DPP10: variants seen among roughly 807,000 people sequenced by gnomAD.
The protein encoded by DPP10 is inactive dipeptidyl peptidase 10.
A neutral mutation model predicts 120.9 loss-of-function variants in DPP10; 33 were observed. The observed-to-expected ratio is 0.27, with a 90% CI of 0.21 to 0.37. The LOEUF is 0.37. DPP10 is among the 10% of genes least tolerant of loss of function. The pLI is 1.00. For missense variants in DPP10, 816 were observed against 942.8 expected (o/e 0.87, Z 1.76); for synonymous variants, 337 against 326.1 (o/e 1.03, Z -0.36).
In DPP10 at chr2:114,827,000, C is replaced by T. The variant is rs1399206093; in HGVS notation, c.60+384162C>T. On this transcript the variant is annotated intron_variant, in intron 1 of 25. Transcript: ENST00000410059. Reference sequence around the variant, plus strand: ...CATTGCCCCTGGGTATCAGGAAGCACATCTGTCACATGAGGATCTGGGAGG... The same window carrying T: ...CATTGCCCCTGGGTATCAGGAAGCATATCTGTCACATGAGGATCTGGGAGG... Among the ~76,000 whole-genome samples the T allele has an allele frequency of 5.3e-5, 8 of 152,188 alleles. No individual in the cohort carries two copies. In the East Asian group the frequency reaches 9.7e-4, roughly 18 times the overall value.
chr2:115,384,512 A>G (rs12989857), intron 3 of DPP10, among the ~76,000 whole-genome samples: 4 of 147,900 alleles, frequency 2.7e-5, no homozygotes, highest in Non-Finnish European at 5.9e-5. Context: ...GAAGAAGAAG[A>G]AGGAAGAAGA....
At chr2:114,586,108 G>A (rs929270435) in intron 1 of DPP10, among the ~76,000 whole-genome samples, 1 of 152,074 alleles carries the variant, frequency 6.6e-6, no homozygotes, top group African/African-American at 2.4e-5. Flanking sequence ...TTAATTAGCT[G>A]GGTATCATGG....
At chr2:114,749,918 G>T (rs1392724875) in intron 1 of DPP10, among the ~76,000 whole-genome samples, 4 of 152,236 alleles carry the variant, frequency 2.6e-5, no homozygotes, top group East Asian at 1.9e-4. Flanking sequence ...CTACAAAGGA[G>T]TATATTTAGT....
intron 1 of DPP10, among the ~76,000 whole-genome samples, chr2:114,969,962 A>G (rs1180579853): frequency 1.3e-5 from 2 of 152,096 alleles, no homozygotes; most frequent in Non-Finnish European, 2.9e-5. Context: ...TGCTATTATT[A>G]TTTGCCTTAA....
intron 1 of DPP10, among the ~76,000 whole-genome samples, chr2:114,882,270 C>T (rs1463452022): frequency 1.3e-5 from 2 of 151,830 alleles, no homozygotes; most frequent in Admixed American, 1.3e-4. Flanking sequence ...TGCCTATCAG[C>T]CAACAGGTGG....
At chr2:114,669,087 T>G (rs1333736229) in intron 1 of DPP10, among the ~76,000 whole-genome samples, 1 of 152,166 alleles carries the variant, frequency 6.6e-6, no homozygotes, top group African/African-American at 2.4e-5. Context: ...GTTTGTTTAA[T>G]AAACATCAAG....
intron 17 of DPP10, among the ~76,000 whole-genome samples, chr2:115,785,740 T>G (rs1683265141): frequency 6.6e-6 from 1 of 152,116 alleles, no homozygotes; most frequent in Non-Finnish European, 1.5e-5. Flanking sequence ...TCTTAGGCTA[T>G]GTAGCAGTCT....
rs969025992 is a variant in DPP10 at position 115,696,789 on chromosome 2, T to A, written c.576+6868T>A. ...ATTTAAAAAGCTAAGATATTTAAAA[T>A]TTTTAGTCTAAAAGCTAATATTATT... On this transcript the variant is annotated intron_variant, in intron 7 of 25. Coordinates refer to ENST00000410059, the MANE Select transcript of DPP10 (RefSeq NM_020868.6). Among the ~76,000 whole-genome samples, 14 of 152,088 alleles carry A rather than the reference T, an allele frequency of 9.2e-5. No individual in the cohort carries two copies. The South Asian group carries it at 1.2e-3, about 13-fold the overall frequency.
intron 1 of DPP10, among the ~76,000 whole-genome samples, chr2:114,466,285 CAT>C (rs1451100150): frequency 1.3e-5 from 2 of 152,096 alleles, no homozygotes; most frequent in African/African-American, 4.8e-5. Context: ...AAAATAATAA[CAT>C]AAACATATAT....
intron 1 of DPP10, among the ~76,000 whole-genome samples, chr2:114,962,125 T>A (rs1698686583): frequency 6.6e-6 from 1 of 152,156 alleles, no homozygotes; most frequent in African/African-American, 2.4e-5. Context: ...TTTTACTTCT[T>A]CTCACTTCAT....
intron 5 of DPP10, among the ~76,000 whole-genome samples, chr2:115,671,997 C>T (rs2089913285): frequency 1.3e-5 from 2 of 152,100 alleles, no homozygotes; most frequent in South Asian, 2.1e-4. Context: ...GTATTCAAAA[C>T]CACTTATAAG....
chr2:114,686,405 C>T (rs1237036439), intron 1 of DPP10, among the ~76,000 whole-genome samples: 1 of 151,900 alleles, frequency 6.6e-6, no homozygotes, highest in East Asian at 1.9e-4. Flanking sequence ...ATTAACAAAA[C>T]TCTATGATAC....
chr2:114,560,115 T>C (rs1346250077), intron 1 of DPP10, among the ~76,000 whole-genome samples: 1 of 152,176 alleles, frequency 6.6e-6, no homozygotes, highest in Non-Finnish European at 1.5e-5. Context: ...GTTCCAATAG[T>C]TTAAGAATAA....
intron 1 of DPP10, among the ~76,000 whole-genome samples, chr2:114,701,030 AT>A (rs1433470714): frequency 6.6e-6 from 1 of 152,018 alleles, no homozygotes; most frequent in Non-Finnish European, 1.5e-5. Context: ...TATTATTATT[AT>A]TATTCAATTT....
At chr2:115,033,596 A>C (rs1399348911) in intron 1 of DPP10, among the ~76,000 whole-genome samples, 1 of 152,128 alleles carries the variant, frequency 6.6e-6, no homozygotes, top group Non-Finnish European at 1.5e-5. Flanking sequence ...GTGTACTCTT[A>C]AAATAGAGTA....
At chr2:115,536,204 A>C (rs2078825260) in intron 5 of DPP10, among the ~76,000 whole-genome samples, 1 of 151,974 alleles carries the variant, frequency 6.6e-6, no homozygotes, top group Non-Finnish European at 1.5e-5. Context: ...ATCTCATCTA[A>C]TTCTTATTTA....
intron 1 of DPP10, among the ~76,000 whole-genome samples, chr2:115,279,815 C>G (rs1237643301): frequency 6.6e-6 from 1 of 151,652 alleles, no homozygotes; most frequent in Non-Finnish European, 1.5e-5. Flanking sequence ...ATGCAGGGCA[C>G]CACGCCCAGC....
intron 1 of DPP10, among the ~76,000 whole-genome samples, chr2:114,713,786 G>A (rs1305805748): frequency 2.6e-5 from 4 of 151,934 alleles, no homozygotes; most frequent in Non-Finnish European, 5.9e-5. Flanking sequence ...AGGAGTTTGA[G>A]ACCAGCCTGG....
chr2:115,469,974 C>T (rs892162600), intron 3 of DPP10, among the ~76,000 whole-genome samples: 2 of 151,028 alleles, frequency 1.3e-5, no homozygotes, highest in African/African-American at 4.9e-5. Flanking sequence ...TTTGAATGCA[C>T]TGGATTAATT....
Sources: allele counts gnomAD v4.1 joint callset (sites outside exome capture counted in the v4.1 genomes callset), GRCh38; gene constraint gnomAD v4.1.1; transcripts MANE v1.5; gene names NCBI Gene and HGNC (gene_info 2026-07-23, HGNC 2026-07-21).